Variants in ERC1 observed in about 807,000 individuals in gnomAD.
ERC1 encodes ELKS/RAB6-interacting/CAST family member 1.
In ERC1, 56 loss-of-function variants were observed where a neutral mutation model predicts 132.0. That is an observed-to-expected ratio of 0.42 (90% CI 0.34 to 0.53). The LOEUF (loss-of-function observed/expected upper bound fraction) is 0.53, where lower values mean the gene tolerates loss of function less well. Among genes scored for constraint, ERC1 ranks in the 20% least tolerant of loss-of-function variants. The pLI is 0.03. For missense variants in ERC1, 1,202 were observed against 1,349.9 expected, an observed-to-expected ratio of 0.89 and a Z score of 1.72; for synonymous variants, 478 against 476.1, an observed-to-expected ratio of 1.00 and a Z score of -0.05.
At chr12:1,228,661 G>A (rs1438214346) in intron 12 of ERC1, among the ~76,000 whole-genome samples, 1 of 152,044 alleles carries the variant, frequency 6.6e-6, no homozygotes, top group African/African-American at 2.4e-5. Context: ...TATCGGCTGT[G>A]GGCTAATCAT....
intron 12 of ERC1, among the ~76,000 whole-genome samples, chr12:1,233,472 A>G (rs1297581365): frequency 9.3e-6 from 1 of 108,096 alleles, no homozygotes; most frequent in Non-Finnish European, 1.7e-5. Context: ...CCCTGTCTCA[A>G]AAAAAAAAAA....
At chr12:1,244,610 C>G in intron 13 of ERC1, 1 of 447,378 alleles carries the variant, frequency 2.2e-6, no homozygotes, top group Non-Finnish European at 4.5e-6. Context: ...CAGCCTCCTT[C>G]TACCGGATTC....
intron 16 of ERC1, among the ~76,000 whole-genome samples, chr12:1,388,181 CTG>C (rs1194530337): frequency 7.9e-5 from 12 of 151,844 alleles, no homozygotes; most frequent in African/African-American, 2.7e-4. Flanking sequence ...AACCCTGTCT[CTG>C]TTAAAAATAC....
intron 9 of ERC1, 101 bp from the exon 10 acceptor site, chr12:1,181,824 G>T (rs1954507125): frequency 2.8e-5 from 31 of 1,110,628 alleles, no homozygotes; most frequent in Non-Finnish European, 3.4e-5. Context: ...ACTTACCATT[G>T]TCTTTTGAAT....
At chr12:1,377,681 A>G (rs1486034611) in intron 16 of ERC1, among the ~76,000 whole-genome samples, 1 of 152,174 alleles carries the variant, frequency 6.6e-6, no homozygotes, top group Non-Finnish European at 1.5e-5. Flanking sequence ...CCACCTTTAA[A>G]TGGCTGTATA....
At chr12:1,116,824 G>T (rs1031886447) in intron 7 of ERC1, among the ~76,000 whole-genome samples, 13 of 151,868 alleles carry the variant, frequency 8.6e-5, no homozygotes, top group African/African-American at 2.9e-4. Context: ...CTCTTGATCC[G>T]CCCGCCTCTG....
At position 1,493,541 on chromosome 12, in the gene ERC1, AAAAAAAAATATATATATATATAT is replaced by A. The variant is rs1427458909; in HGVS notation, c.*3313_*3335del. On this transcript the variant is annotated 3_prime_UTR_variant, in exon 19 of 19. Transcript: ENST00000360905. ...GACAGAGACTCCATTTAAAAAAAAA[AAAAAAAAATATATATATATATAT>A]ATATATATATATATGGATGGGAATC... is the stretch of plus-strand genomic sequence containing the variant. 3.5e-4 allele frequency: 31 copies of A among 89,746 alleles called. 1 individual carries two copies. The highest frequency in any genetic ancestry group is 6.3e-4 in the Non-Finnish European group (29 of 46,044). The allele number at this position is 89,746 out of a possible 1,614,324, so 5.6% of individuals were successfully genotyped here. A position where few individuals can be genotyped will look rare whatever the true frequency, so the allele number is the denominator to read the frequency against.
chr12:1,471,060 G>A (rs2093850784), intron 18 of ERC1, among the ~76,000 whole-genome samples: 1 of 151,930 alleles, frequency 6.6e-6, no homozygotes, highest in Non-Finnish European at 1.5e-5. Context: ...CATGTTTTCT[G>A]TTCTCTTGCC....
At chr12:1,008,896 C>G (rs1487366771) in intron 1 of ERC1, among the ~76,000 whole-genome samples, 1 of 152,148 alleles carries the variant, frequency 6.6e-6, no homozygotes, top group Non-Finnish European at 1.5e-5. Flanking sequence ...GCTCAGCACT[C>G]AGCAGCTGCA....
At chr12:1,364,175 G>A (rs1218511069) in intron 15 of ERC1, among the ~76,000 whole-genome samples, 1 of 152,222 alleles carries the variant, frequency 6.6e-6, no homozygotes. Flanking sequence ...GAATCCAAGA[G>A]TCAGACAGCA....
intron 1 of ERC1, among the ~76,000 whole-genome samples, chr12:1,024,121 C>T (rs1565803926): frequency 6.6e-6 from 1 of 152,200 alleles, no homozygotes; most frequent in Non-Finnish European, 1.5e-5. Context: ...TGGCTCACGC[C>T]TGTAATCCCA....
intron 15 of ERC1, among the ~76,000 whole-genome samples, chr12:1,307,241 G>A (rs558319519): frequency 9.2e-5 from 14 of 152,110 alleles, no homozygotes; most frequent in Non-Finnish European, 1.5e-4. Flanking sequence ...AGTTTAATGA[G>A]TATTGCGTAA....
In ERC1 at chr12:1,490,915, C is replaced by T. The variant is rs954365695; in HGVS notation, c.*685C>T. On this transcript the variant is annotated 3_prime_UTR_variant, in exon 19 of 19. Transcript: ENST00000360905. ...TCGCAGCCTTCCTCACTCTGTTCCT[C>T]GGCCAGTTAACAAGAAGATGGTGTG... is the stretch of plus-strand genomic sequence containing the variant. 7 of 232,610 alleles carry T rather than the reference C, an allele frequency of 3.0e-5. No individual in the cohort carries two copies. The highest frequency in any genetic ancestry group is 5.1e-5 in the Non-Finnish European group (6 of 117,720). The allele number at this position is 232,610 out of a possible 1,614,324, so 14.4% of individuals were successfully genotyped here.
intron 17 of ERC1, among the ~76,000 whole-genome samples, chr12:1,433,334 C>T (rs2092854240): frequency 6.6e-6 from 1 of 152,202 alleles, no homozygotes; most frequent in Admixed American, 6.5e-5. Flanking sequence ...TCAGAGGAGC[C>T]TGGCTCCAGC....
chr12:1,227,190 T>G (rs1390890303), intron 12 of ERC1, among the ~76,000 whole-genome samples: 1 of 152,214 alleles, frequency 6.6e-6, no homozygotes, highest in African/African-American at 2.4e-5. Flanking sequence ...TTTCTAATGT[T>G]TAGAGGAACC....
chr12:1,331,783 C>T (rs2082882877), intron 15 of ERC1, among the ~76,000 whole-genome samples: 1 of 152,158 alleles, frequency 6.6e-6, no homozygotes, highest in Non-Finnish European at 1.5e-5. Flanking sequence ...TCCTGGCAGG[C>T]CATGGTGTAT....
chr12:1,471,831 C>T (rs926999563), intron 18 of ERC1, among the ~76,000 whole-genome samples: 2 of 152,214 alleles, frequency 1.3e-5, no homozygotes. Flanking sequence ...GAGACTTCCT[C>T]TTTTTCTCCA....
intron 8 of ERC1, among the ~76,000 whole-genome samples, chr12:1,173,309 C>T (rs1200856841): frequency 6.6e-6 from 1 of 152,118 alleles, no homozygotes; most frequent in East Asian, 1.9e-4. Context: ...GTCCTTGCAT[C>T]AGTACCTGGC....
At chr12:1,382,080 A>G (rs1398257057) in intron 16 of ERC1, among the ~76,000 whole-genome samples, 1 of 152,170 alleles carries the variant, frequency 6.6e-6, no homozygotes, top group Non-Finnish European at 1.5e-5. Context: ...TCCTGTTTGT[A>G]TGTATAGCGT....
Sources: gnomAD v4.1 joint callset for allele counts (sites outside exome capture counted in the v4.1 genomes callset) on GRCh38, gnomAD v4.1.1 for gene constraint, MANE v1.5 for transcripts, NCBI Gene and HGNC (gene_info 2026-07-23, HGNC 2026-07-21) for gene names.